FAM13B: variants seen among roughly 807,000 people sequenced by gnomAD.
FAM13B encodes the protein family with sequence similarity 13 member B, also known as protein FAM13B.
In FAM13B, 60 loss-of-function variants were observed where a neutral mutation model predicts 117.3. The observed-to-expected ratio is 0.51, with a 90% confidence interval of 0.42 to 0.63. The LOEUF (loss-of-function observed/expected upper bound fraction) is 0.63, where lower values mean the gene tolerates loss of function less well. Among genes scored for constraint, FAM13B ranks in the 30% least tolerant of loss-of-function variants. FAM13B has a pLI of 0.00. For synonymous variants in FAM13B, 332 were observed against 356.1 expected (o/e 0.93, Z 0.76); for missense variants, 972 against 1,091.9 (o/e 0.89, Z 1.55).
At chr5:138,050,905 A>G (rs949367527) in intron 1 of FAM13B, among the ~76,000 whole-genome samples, 1 of 152,244 alleles carries the variant, frequency 6.6e-6, no homozygotes, top group African/African-American at 2.4e-5. Context: ...TGTTTTTACA[A>G]ATACAAAAAT....
Position 138,025,313 on chromosome 5 carries a change from A to AT in FAM13B, c.-202-4117dup, listed in dbSNP as rs869194123. ...CATATATATATATATATATATATGT[A>AT]TTTTTTTTTTTTTTTTTTTTGAGTT... On this transcript the variant is annotated intron_variant, in intron 1 of 23. Transcript: ENST00000689681. 8.9e-3 allele frequency among the ~76,000 whole-genome samples: 991 copies of AT among 111,110 alleles called. 28 individuals carry two copies. The highest frequency in any genetic ancestry group is 0.029 in the African/African-American group (882 of 29,988). The allele number at this position is 111,110 out of a possible 152,430, so 72.9% of individuals were successfully genotyped here.
chr5:138,034,138 G>A (rs1790827759), upstream of FAM13B: 1 of 152,216 alleles, frequency 6.6e-6, no homozygotes, highest in African/African-American at 2.4e-5. Context: ...TCCACAAAGA[G>A]TCTAAAACCA....
chr5:138,047,312 C>T (rs1283968278), intron 1 of FAM13B, among the ~76,000 whole-genome samples: 2 of 151,446 alleles, frequency 1.3e-5, no homozygotes, highest in East Asian at 3.9e-4. Flanking sequence ...CAAGACAATC[C>T]TGACTAACAG....
rs145280044 is a variant in FAM13B at position 137,995,682 on chromosome 5, T to C, written c.849-7367A>G. 2.1e-4 allele frequency among the ~76,000 whole-genome samples: 32 copies of C among 152,314 alleles called. No individual in the cohort carries two copies. In the East Asian group the frequency reaches 5.8e-3, roughly 28 times the overall value. The stretch of plus-strand genomic sequence containing the variant: ...AACTTTCCCCATCAACTTAGGAGTA[T>C]TTTATACCTATGACAAGAGTATATC... On this transcript the variant is annotated intron_variant, in intron 7 of 23. Coordinates refer to ENST00000689681, the MANE Select transcript of FAM13B (RefSeq NM_001385994.1).
In FAM13B at chr5:137,981,077, ATTTTTTTTTTTTT is replaced by A. The variant is rs56799832; in HGVS notation, c.1179+4167_1179+4179del. ...CAGGGGAGCACCACTACACCTGGCT[ATTTTTTTTTTTTT>A]TTTTTTTTTTTTTTTTACCATTTTT... On this transcript the variant is annotated intron_variant, in intron 10 of 23. Coordinates refer to ENST00000689681, the MANE Select transcript of FAM13B (RefSeq NM_001385994.1). Among the ~76,000 whole-genome samples, 28 of 60,466 alleles carry A rather than the reference ATTTTTTTTTTTTT, an allele frequency of 4.6e-4. 1 individual carries two copies. Among genetic ancestry groups the A allele is most frequent in the South Asian group, 2.5e-3 (3 of 1,212 alleles). 39.7% of individuals were successfully genotyped at this position (60,466 alleles called of 152,430 possible).
intron 20 of FAM13B, among the ~76,000 whole-genome samples, chr5:137,945,511 C>T (rs13173748): frequency 0.42 from 64,499 of 151,996 alleles, 14,527 homozygotes; most frequent in East Asian, 0.6. Flanking sequence ...GCATTTTCAA[C>T]GACATGAATT....
chr5:138,020,867 T>C (rs1786542789), intron 2 of FAM13B, 164 bp downstream of exon 2: 4 of 393,650 alleles, frequency 1.0e-5, no homozygotes, highest in Admixed American at 4.6e-5. Flanking sequence ...CAAAATGCCA[T>C]ACATTTACAT....
chr5:138,013,255 A>T (rs569333889), intron 4 of FAM13B, among the ~76,000 whole-genome samples: 1 of 152,126 alleles, frequency 6.6e-6, no homozygotes, highest in South Asian at 2.1e-4. Context: ...TAATCCCAGC[A>T]CTTTGGGAGG....
intron 7 of FAM13B, among the ~76,000 whole-genome samples, chr5:138,000,502 A>G (rs1224094774): frequency 6.6e-6 from 1 of 152,238 alleles, no homozygotes; most frequent in Non-Finnish European, 1.5e-5. Context: ...AGGGTGCCCA[A>G]TAATTTTTAA....
intron 14 of FAM13B, 48 bp from the exon 15 acceptor site, chr5:137,954,424 G>T (rs548891793): frequency 2.0e-6 from 3 of 1,510,612 alleles, no homozygotes; most frequent in East Asian, 2.3e-5. Context: ...TTGATTCCAC[G>T]TGGGAAAAAA....
At chr5:138,011,717 C>G (rs1262665817) in intron 5 of FAM13B, 51 bp downstream of exon 5, 15 of 1,410,282 alleles carry the variant, frequency 1.1e-5, no homozygotes, top group Middle Eastern at 3.6e-4. Flanking sequence ...CGTGCCCGGC[C>G]TCACATATCT....
At position 137,956,461 on chromosome 5, in the gene FAM13B, G is replaced by T; in HGVS notation, c.1507+16C>A. The T allele has an allele frequency of 1.3e-6, 2 of 1,568,908 alleles. No homozygotes were observed. The highest frequency in any genetic ancestry group is 1.2e-5 in the South Asian group (1 of 83,378). On this transcript the variant is annotated intron_variant, in intron 14 of 23. Transcript: ENST00000689681. ...ATAAAAGGCAAAAAAACTAAACTAT[G>T]GTGAACCATACTTACCCTCCCCATC...
At chr5:137,949,209 T>C in intron 17 of FAM13B, 25 bp from the exon 18 acceptor site, 1 of 1,581,376 alleles carries the variant, frequency 6.3e-7, no homozygotes, top group Non-Finnish European at 8.7e-7. Context: ...TAAGGACAGA[T>C]CAGTAATAAT....
chr5:138,022,181 T>C (rs1786936551), intron 1 of FAM13B, among the ~76,000 whole-genome samples: 1 of 150,294 alleles, frequency 6.7e-6, no homozygotes, highest in African/African-American at 2.5e-5. Flanking sequence ...TGAGATAACA[T>C]AGGTATGCAG....
chr5:138,005,902 CTTT>C (rs869171895), intron 7 of FAM13B, among the ~76,000 whole-genome samples: 6 of 143,842 alleles, frequency 4.2e-5, no homozygotes, highest in African/African-American at 5.1e-5. Context: ...ATTTCCTCTT[CTTT>C]TTTTTTTTTT....
intron 7 of FAM13B, among the ~76,000 whole-genome samples, chr5:138,001,155 C>G (rs1646999965): frequency 1.3e-5 from 2 of 152,110 alleles, no homozygotes; most frequent in Non-Finnish European, 2.9e-5. Flanking sequence ...AATCATCCCC[C>G]AAGTGTTTAT....
At position 137,987,472 on chromosome 5, in the gene FAM13B, T is replaced by A. The variant is rs1252401202; in HGVS notation, c.1035A>T (p.Gly345=). 1 of 1,609,932 alleles carries A rather than the reference T, an allele frequency of 6.2e-7. No individual in the cohort carries two copies. Among genetic ancestry groups the A allele is most frequent in the South Asian group, 1.1e-5 (1 of 89,904 alleles). The part of the protein sequence containing the change: ...EAESIHCDGE[G]SNNQIDIADD... ...AAAATGTTTCTTACTGGTTATTAGATCCTTCCCCATCACAATGAATACTTT... is the reference window on the plus strand; with the variant it reads ...AAAATGTTTCTTACTGGTTATTAGAACCTTCCCCATCACAATGAATACTTT... The change falls in exon 9 of 24, where the codon GGA becomes GGT. Residue 345 remains glycine, a synonymous_variant. Coordinates refer to ENST00000689681, the MANE Select transcript of FAM13B (RefSeq NM_001385994.1).
intron 10 of FAM13B, among the ~76,000 whole-genome samples, chr5:137,967,840 C>T (rs576101858): frequency 6.6e-6 from 1 of 152,244 alleles, no homozygotes; most frequent in East Asian, 1.9e-4. Context: ...TTGCAGTGAG[C>T]TGTGATCATG....
chr5:138,006,733 C>T (rs1411068645), intron 7 of FAM13B, among the ~76,000 whole-genome samples: 3 of 152,046 alleles, frequency 2.0e-5, no homozygotes, highest in Non-Finnish European at 4.4e-5. Context: ...TTTATCCAGC[C>T]CAATTAATAA....
Sources: gnomAD v4.1 joint callset for allele counts (sites outside exome capture counted in the v4.1 genomes callset) on GRCh38, gnomAD v4.1.1 for gene constraint, MANE v1.5 for transcripts, NCBI Gene and HGNC (gene_info 2026-07-23, HGNC 2026-07-21) for gene names.